The following PPP1R12B variants were observed in gnomAD, a reference collection of about 807,000 sequenced individuals.
PPP1R12B encodes the protein myosin phosphatase target subunit 2.
Under a neutral mutation model 126.1 loss-of-function variants are expected in PPP1R12B, and 76 were observed. The observed-to-expected ratio is 0.60, with a 90% CI of 0.50 to 0.73. The LOEUF is 0.73. Among genes scored for constraint, PPP1R12B ranks in the 30% least tolerant of loss-of-function variants. The pLI is 0.00. For missense variants in PPP1R12B, 1,052 were observed against 1,205.1 expected, an observed-to-expected ratio of 0.87 and a Z score of 1.88; for synonymous variants, 356 against 434.7, an observed-to-expected ratio of 0.82 and a Z score of 2.25.
chr1:202,550,423 A>C (rs1686189550), intron 18 of PPP1R12B, among the ~76,000 whole-genome samples: 1 of 152,230 alleles, frequency 6.6e-6, no homozygotes, highest in Non-Finnish European at 1.5e-5. Flanking sequence ...CTGGAATCTC[A>C]ATTAGAGAAA....
chr1:202,498,168 G>A (rs953271721), intron 18 of PPP1R12B, among the ~76,000 whole-genome samples: 2 of 152,188 alleles, frequency 1.3e-5, no homozygotes, highest in African/African-American at 4.8e-5. Context: ...TGATCTTGAT[G>A]CAGTACTTCC....
chr1:202,502,209 TA>T (rs1450046292), intron 18 of PPP1R12B: 3 of 984,860 alleles, frequency 3.0e-6, no homozygotes, highest in African/African-American at 3.5e-5. Flanking sequence ...AACTGATTGG[TA>T]AAGGAGATAG....
intron 14 of PPP1R12B, among the ~76,000 whole-genome samples, 199 bp from the exon 15 acceptor site, chr1:202,492,915 C>A (rs1250415304): frequency 1.2e-4 from 18 of 152,144 alleles, no homozygotes; most frequent in Admixed American, 1.2e-3. Context: ...TAAAATGTAC[C>A]TAGACTCAGG....
chr1:202,434,381 G>A (rs900460652), intron 8 of PPP1R12B, among the ~76,000 whole-genome samples: 1 of 152,076 alleles, frequency 6.6e-6, no homozygotes, highest in Non-Finnish European at 1.5e-5. Context: ...GATTATAGAT[G>A]GATTTTATAT....
intron 1 of PPP1R12B, among the ~76,000 whole-genome samples, chr1:202,379,313 G>T (rs1661822510): frequency 6.6e-6 from 1 of 152,166 alleles, no homozygotes; most frequent in Non-Finnish European, 1.5e-5. Flanking sequence ...AATCACCTGG[G>T]GGCACATGTT....
At chr1:202,396,723 C>T (rs980056396) in intron 1 of PPP1R12B, among the ~76,000 whole-genome samples, 3 of 152,184 alleles carry the variant, frequency 2.0e-5, no homozygotes, top group African/African-American at 7.2e-5. Flanking sequence ...AGTGATCCTC[C>T]CACCTCAGCC....
intron 8 of PPP1R12B, among the ~76,000 whole-genome samples, chr1:202,433,053 C>A (rs547708456): frequency 6.2e-4 from 94 of 152,272 alleles, no homozygotes; most frequent in African/African-American, 2.1e-3. Context: ...AAGGCACCAG[C>A]TAAGTTTACA....
chr1:202,439,400 G>T, intron 10 of PPP1R12B: 3 of 1,240,152 alleles, frequency 2.4e-6, no homozygotes, highest in Non-Finnish European at 2.4e-6. Flanking sequence ...CGGCACAGCG[G>T]AGCACGGAGA....
At chr1:202,440,450 G>T (rs1671462219) in intron 10 of PPP1R12B, among the ~76,000 whole-genome samples, 1 of 152,120 alleles carries the variant, frequency 6.6e-6, no homozygotes, top group Admixed American at 6.5e-5. Context: ...TGCATAATTT[G>T]TGCTGCTGTT....
Position 202,488,607 on chromosome 1 carries a change from C to CAA in PPP1R12B, c.1926_1927insAA (p.Arg643AsnfsTer10). 6.2e-7 allele frequency: 1 copy of CAA among 1,610,624 alleles called. No homozygotes were observed. Among genetic ancestry groups the CAA allele is most frequent in the Non-Finnish European group, 8.5e-7 (1 of 1,177,760 alleles). On this transcript the variant is annotated frameshift_variant, in exon 14 of 24. Transcript: ENST00000608999. LOFTEE classifies it high-confidence loss of function. Reference sequence around the variant, plus strand: ...GCACGCTCCAGACAAGCTCGGCAGACACGAAGGTCTACTCAAGTGAGTGTG... The same window carrying CAA: ...GCACGCTCCAGACAAGCTCGGCAGACAAACGAAGGTCTACTCAAGTGAGTGTG...
intron 1 of PPP1R12B, among the ~76,000 whole-genome samples, chr1:202,408,902 G>C (rs554068047): frequency 2.2e-5 from 3 of 138,984 alleles, no homozygotes; most frequent in South Asian, 4.4e-4. Flanking sequence ...CTGGACTACA[G>C]TCTCTGCTCA....
In PPP1R12B at chr1:202,539,715, C is replaced by T. The variant is rs557701757; in HGVS notation, c.2491-19162C>T. On this transcript the variant is annotated intron_variant, in intron 18 of 23. Coordinates refer to ENST00000608999, the MANE Select transcript of PPP1R12B (RefSeq NM_002481.4). ...GTGATAGTAGTTCCCAGACTCGCTG[C>T]CGGCAGGATCCAAGGTCGTCTTTCC... 8.4e-5 allele frequency: 13 copies of T among 155,240 alleles called. No homozygotes were observed. In the South Asian group the frequency reaches 2.5e-3, roughly 30 times the overall value. The allele number at this position is 155,240 out of a possible 1,614,324, so 9.6% of individuals were successfully genotyped here. A position where few individuals can be genotyped will look rare whatever the true frequency, so the allele number is the denominator to read the frequency against.
chr1:202,483,879 G>A (rs191878490), intron 13 of PPP1R12B, among the ~76,000 whole-genome samples: 1 of 152,110 alleles, frequency 6.6e-6, no homozygotes. Context: ...GACCTTCTTT[G>A]TCTTCTTTTA....
intron 18 of PPP1R12B, among the ~76,000 whole-genome samples, chr1:202,497,732 G>A (rs572556219): frequency 1.3e-4 from 20 of 152,238 alleles, no homozygotes; most frequent in African/African-American, 4.6e-4. Context: ...TTGAAGCTGG[G>A]GCTACTTCAT....
chr1:202,520,108 T>C (rs1682615050), intron 18 of PPP1R12B, among the ~76,000 whole-genome samples: 1 of 152,226 alleles, frequency 6.6e-6, no homozygotes, highest in Non-Finnish European at 1.5e-5. Context: ...AGCTGAAGAA[T>C]GGAGGACTCA....
At chr1:202,385,781 A>G (rs1448530561) in intron 1 of PPP1R12B, among the ~76,000 whole-genome samples, 2 of 152,166 alleles carry the variant, frequency 1.3e-5, no homozygotes, top group South Asian at 2.1e-4. Context: ...GTTTAGTCCA[A>G]GAGGGTTTTT....
At chr1:202,567,718 G>A (rs1688190203) in intron 21 of PPP1R12B, 60 bp from the exon 22 acceptor site, 1 of 1,553,576 alleles carries the variant, frequency 6.4e-7, no homozygotes. Flanking sequence ...AACTAGACTG[G>A]GCGTTCTACT....
intron 8 of PPP1R12B, among the ~76,000 whole-genome samples, chr1:202,434,081 A>G (rs1670514960): frequency 6.6e-6 from 1 of 152,260 alleles, no homozygotes; most frequent in African/African-American, 2.4e-5. Context: ...GGGAATTACA[A>G]TAAAACTTTA....
At chr1:202,462,355 T>C (rs1674416203) in intron 13 of PPP1R12B, among the ~76,000 whole-genome samples, 1 of 152,174 alleles carries the variant, frequency 6.6e-6, no homozygotes, top group Admixed American at 6.5e-5. Flanking sequence ...CAACACCATC[T>C]CACTTCATTT....
Sources: gnomAD v4.1 joint callset for allele counts (sites outside exome capture counted in the v4.1 genomes callset) on GRCh38, gnomAD v4.1.1 for gene constraint, MANE v1.5 for transcripts, NCBI Gene and HGNC (gene_info 2026-07-23, HGNC 2026-07-21) for gene names.